Variants in RALGAPB observed in about 807,000 individuals in gnomAD.
The protein encoded by RALGAPB is ral GTPase-activating protein subunit beta.
In RALGAPB, 25 loss-of-function variants were observed where a neutral mutation model predicts 161.1. The ratio of observed to expected loss-of-function variants is 0.16; its 90% CI spans 0.11 to 0.22. The LOEUF (loss-of-function observed/expected upper bound fraction) is 0.22. RALGAPB is among the 10% of genes least tolerant of loss of function. The probability of loss-of-function intolerance (pLI) is 1.00; values close to 1 mark genes in which losing one functional copy is unlikely to be tolerated. For synonymous variants in RALGAPB, 629 were observed against 626.1 expected, an observed-to-expected ratio of 1.00 and a Z score of -0.07; for missense variants, 1,391 against 1,815.2, an observed-to-expected ratio of 0.77 and a Z score of 4.25.
intron 2 of RALGAPB, 52 bp downstream of exon 2, chr20:38,488,670 G>C: frequency 6.6e-7 from 1 of 1,524,308 alleles, no homozygotes; most frequent in Non-Finnish European, 8.9e-7. Flanking sequence ...ATTTGTTCTT[G>C]AAGAATTTGT....
At chr20:38,561,885 A>G (rs1440568744) in intron 23 of RALGAPB, among the ~76,000 whole-genome samples, 1 of 152,232 alleles carries the variant, frequency 6.6e-6, no homozygotes, top group African/African-American at 2.4e-5. Context: ...TCTGCTGAAG[A>G]GCAAAATCAC....
At chr20:38,553,787 A>AAC (rs2087470893) in intron 21 of RALGAPB, 80 bp from the exon 22 acceptor site, 2 of 782,120 alleles carry the variant, frequency 2.6e-6, no homozygotes, top group East Asian at 3.2e-5. Flanking sequence ...CAAAAAAAAA[A>AAC]AAAAAAAAAA....
chr20:38,506,527 C>T (rs754632318), intron 5 of RALGAPB, among the ~76,000 whole-genome samples: 10 of 152,286 alleles, frequency 6.6e-5, no homozygotes, highest in East Asian at 3.9e-4. Context: ...CTCCTGGGCT[C>T]GAGCAGTCCT....
rs568400018 is a variant in RALGAPB, at chr20:38,550,270, T to G, written c.3010-801T>G. 3.9e-5 allele frequency among the ~76,000 whole-genome samples: 6 copies of G among 152,324 alleles called. No individual in the cohort carries two copies. The East Asian group carries it at 1.2e-3, about 29-fold the overall frequency. On this transcript the variant is annotated intron_variant, in intron 20 of 29. Transcript: ENST00000262879. ...TTAACTAACCTGCACATTATGCACATGTACCCTAAAACTTAAAGTATCATA... is the reference window on the plus strand; with the variant it reads ...TTAACTAACCTGCACATTATGCACAGGTACCCTAAAACTTAAAGTATCATA...
chr20:38,545,775 T>C (rs896268105), intron 18 of RALGAPB, among the ~76,000 whole-genome samples: 4 of 151,602 alleles, frequency 2.6e-5, no homozygotes, highest in East Asian at 1.9e-4. Context: ...TGAGAAAATA[T>C]GGCTTTTAAA....
chr20:38,522,281 ATCT>A (rs1600934999), intron 10 of RALGAPB, among the ~76,000 whole-genome samples: 2 of 152,350 alleles, frequency 1.3e-5, no homozygotes, highest in Non-Finnish European at 2.9e-5. Flanking sequence ...GGTTAGGGTC[ATCT>A]TCTCCAAATC....
intron 3 of RALGAPB, among the ~76,000 whole-genome samples, chr20:38,494,357 G>A (rs1403814825): frequency 1.3e-5 from 2 of 152,222 alleles, no homozygotes; most frequent in African/African-American, 4.8e-5. Flanking sequence ...TGGGCCGGGT[G>A]CAGTGGCTCA....
chr20:38,476,354 A>G (rs566885076), intron 1 of RALGAPB, among the ~76,000 whole-genome samples: 1 of 152,326 alleles, frequency 6.6e-6, no homozygotes, highest in East Asian at 1.9e-4. Context: ...AAGTTTTAAA[A>G]TTAAGGTGCA....
rs1246916169 is a variant in RALGAPB, at chr20:38,565,500, C to A, written c.3817+22C>A. 2.5e-6 allele frequency: 4 copies of A among 1,610,060 alleles called. No individual in the cohort carries two copies. The South Asian group carries it at 4.4e-5, about 18-fold the overall frequency. On this transcript the variant is annotated intron_variant, in intron 25 of 29. Transcript: ENST00000262879. ...TTAAGTAAGATGATTTTTGCATGGT[C>A]CTGTTTTAGGATCTATTTTTATATT... is the stretch of plus-strand genomic sequence containing the variant.
At chr20:38,510,638 C>T (rs187085684) in intron 6 of RALGAPB, among the ~76,000 whole-genome samples, 1,350 of 120,802 alleles carry the variant, frequency 0.011, 353 homozygotes, top group African/African-American at 0.078. Context: ...GGGCCGGGCG[C>T]GGTGGCTCAC....
At chr20:38,481,967 ACT>A (rs1230465439) in intron 1 of RALGAPB, among the ~76,000 whole-genome samples, 9 of 151,898 alleles carry the variant, frequency 5.9e-5, no homozygotes, top group African/African-American at 2.2e-4. Context: ...ACTACAGTTG[ACT>A]CTCGTACATC....
chr20:38,537,156 A>G (rs1002160124), intron 16 of RALGAPB, among the ~76,000 whole-genome samples: 1 of 152,214 alleles, frequency 6.6e-6, no homozygotes, highest in African/African-American at 2.4e-5. Flanking sequence ...GGGGTGGACA[A>G]ATTGATCGGT....
At chr20:38,539,208 G>A (rs993997343) in intron 16 of RALGAPB, among the ~76,000 whole-genome samples, 6 of 152,156 alleles carry the variant, frequency 3.9e-5, no homozygotes, top group Non-Finnish European at 5.9e-5. Context: ...CTAATCTATC[G>A]TGACAGCAGA....
At chr20:38,497,597 T>C (rs2085464961) in intron 4 of RALGAPB, 81 bp downstream of exon 4, 2 of 1,417,510 alleles carry the variant, frequency 1.4e-6, no homozygotes, top group Admixed American at 2.2e-5. Context: ...GGTAGACTCA[T>C]TGGGGATTTA....
intron 20 of RALGAPB, 37 bp from the exon 21 acceptor site, chr20:38,551,034 C>T: frequency 6.2e-7 from 1 of 1,605,860 alleles, no homozygotes; most frequent in Non-Finnish European, 8.5e-7. Flanking sequence ...GGGTATTGGA[C>T]CCTGTGTAAT....
intron 16 of RALGAPB, chr20:38,538,495 G>A (rs1433708175): frequency 2.4e-5 from 4 of 165,516 alleles, no homozygotes; most frequent in Non-Finnish European, 5.2e-5. Context: ...TGGATCTGGA[G>A]TCTGGATGTT....
chr20:38,544,508 C>G (rs1182164985), intron 18 of RALGAPB, among the ~76,000 whole-genome samples: 1 of 152,198 alleles, frequency 6.6e-6, no homozygotes, highest in Non-Finnish European at 1.5e-5. Context: ...CGCCCTGTCA[C>G]CCAGGCTGGA....
chr20:38,487,805 A>G (rs1464630547), intron 1 of RALGAPB, among the ~76,000 whole-genome samples: 2 of 152,148 alleles, frequency 1.3e-5, no homozygotes, highest in African/African-American at 4.8e-5. Flanking sequence ...GGTGGCTCAC[A>G]CCTGTAATCC....
At chr20:38,534,893 G>C (rs764580173) in intron 15 of RALGAPB, among the ~76,000 whole-genome samples, 181 bp from the exon 16 acceptor site, 41 of 152,240 alleles carry the variant, frequency 2.7e-4, no homozygotes, top group Non-Finnish European at 5.4e-4. Flanking sequence ...ACATGTGCCT[G>C]TGCACCGTGT....
Sources: allele counts gnomAD v4.1 joint callset (sites outside exome capture counted in the v4.1 genomes callset), GRCh38; gene constraint gnomAD v4.1.1; transcripts MANE v1.5; gene names NCBI Gene and HGNC (gene_info 2026-07-23, HGNC 2026-07-21).